FLT3: variants seen among roughly 807,000 people sequenced by gnomAD.
FLT3 encodes the protein fms related receptor tyrosine kinase 3.
A neutral mutation model predicts 126.6 loss-of-function variants in FLT3; 46 were observed. The observed-to-expected ratio is 0.36, with a 90% confidence interval of 0.29 to 0.46. The LOEUF is 0.46. Among genes scored for constraint, FLT3 ranks in the 20% least tolerant of loss-of-function variants. The pLI, the probability that FLT3 is intolerant of heterozygous loss-of-function variation, is 1.00. For missense variants in FLT3, 1,069 were observed against 1,190.3 expected, an observed-to-expected ratio of 0.90 and a Z score of 1.50; for synonymous variants, 404 against 434.4, an observed-to-expected ratio of 0.93 and a Z score of 0.87.
At chr13:28,068,700 G>A (rs925417503) in intron 2 of FLT3, among the ~76,000 whole-genome samples, 14 of 152,174 alleles carry the variant, frequency 9.2e-5, no homozygotes, top group Non-Finnish European at 1.5e-4. Context: ...CAAGTAGCTG[G>A]GACCACAGGC....
chr13:28,035,688 A>G lies in FLT3; in HGVS notation c.1419-15T>C, dbSNP rs2491227. The G allele has an allele frequency of 0.74, 1,180,791 of 1,592,304 alleles. 449,567 individuals are homozygous for G. The highest frequency in any genetic ancestry group is 0.78 in the Non-Finnish European group (919,486 of 1,173,614). On this transcript the variant is annotated splice_polypyrimidine_tract_variant and intron_variant, in intron 11 of 23. Coordinates refer to ENST00000241453, the MANE Select transcript of FLT3 (RefSeq NM_004119.3). The stretch of plus-strand genomic sequence containing the variant: ...CTTCTGTGCAGCTGAAAAAAAAAAT[A>G]GCAAAGAATTTAGACAGGTGAGCTG...
At chr13:28,024,798 C>T (rs1872665469) in intron 18 of FLT3, 63 bp downstream of exon 18, 1 of 1,119,748 alleles carries the variant, frequency 8.9e-7, no homozygotes, top group African/African-American at 1.6e-5. Context: ...TAAAAAATAG[C>T]TAACATAAAA....
intron 1 of FLT3, among the ~76,000 whole-genome samples, chr13:28,092,182 A>T (rs1879157463): frequency 6.6e-6 from 1 of 152,088 alleles, no homozygotes; most frequent in Non-Finnish European, 1.5e-5. Flanking sequence ...CTTAAACTCA[A>T]ATGGAAATTT....
rs146853291 is a variant in FLT3, at chr13:28,024,861, C to A, written c.2290G>T (p.Asp764Tyr). Residue 764 changes from aspartate (D) to tyrosine (Y), a missense_variant and splice_region_variant, in exon 18 of 24, where the codon GAT (aspartate) becomes TAT (tyrosine). Asp to Tyr is a radical substitution (Grantham distance 160, BLOSUM62 -3). Coordinates refer to ENST00000241453, the MANE Select transcript of FLT3 (RefSeq NM_004119.3). ...GLHGNSFHSEDEIEYENQKRL... is the reference protein window; with the variant it reads ...GLHGNSFHSEYEIEYENQKRL... ...GCTACTACTTAGAATAAAATATTAC[C>A]TTCAGAGTGAAATGAATTCCCATGA... The A allele has an allele frequency of 1.3e-6, 2 of 1,588,502 alleles. No homozygotes were observed. The highest frequency in any genetic ancestry group is 8.6e-7 in the Non-Finnish European group (1 of 1,160,388).
intron 5 of FLT3, among the ~76,000 whole-genome samples, chr13:28,052,074 ATTTAT>A (rs1383391718): frequency 6.6e-6 from 1 of 151,254 alleles, no homozygotes; most frequent in African/African-American, 2.4e-5. Flanking sequence ...TGTATTACTT[ATTTAT>A]TTTATTTTTT....
intron 19 of FLT3, 137 bp downstream of exon 19, chr13:28,023,213 G>C: frequency 1.2e-6 from 1 of 849,864 alleles, no homozygotes; most frequent in Non-Finnish European, 1.8e-6. Context: ...AAGGTAACAC[G>C]CTAGGTGACT....
intron 15 of FLT3, among the ~76,000 whole-genome samples, chr13:28,032,317 G>A (rs1200602248): frequency 2.0e-5 from 3 of 152,236 alleles, no homozygotes; most frequent in Non-Finnish European, 1.5e-5. Flanking sequence ...AGGACATCAC[G>A]GGTGTAGTGG....
At chr13:28,033,842 C>T (rs1467906624) in intron 15 of FLT3, 45 bp downstream of exon 15, 1 of 1,398,758 alleles carries the variant, frequency 7.1e-7, no homozygotes, top group African/African-American at 1.4e-5. Flanking sequence ...AACTGTGCCT[C>T]CCATTTTTGT....
chr13:28,098,051 A>C (rs556244745), intron 1 of FLT3, among the ~76,000 whole-genome samples: 1 of 152,268 alleles, frequency 6.6e-6, no homozygotes, highest in South Asian at 2.1e-4. Context: ...GTGGTGGCTC[A>C]TACCTGTAAT....
chr13:28,098,781 AT>A (rs1879638130), intron 1 of FLT3, among the ~76,000 whole-genome samples: 1 of 141,024 alleles, frequency 7.1e-6, no homozygotes. Flanking sequence ...GGTACCAGCA[AT>A]TAAAAAAAAA....
chr13:28,028,098 AG>A, intron 16 of FLT3, 79 bp downstream of exon 16: 2 of 754,500 alleles, frequency 2.7e-6, no homozygotes, highest in South Asian at 1.5e-5. Context: ...AAAGAGAGAG[AG>A]AGAGAGAGAG....
chr13:28,025,462 A>G, intron 17 of FLT3: 1 of 426,180 alleles, frequency 2.3e-6, no homozygotes, highest in Non-Finnish European at 4.6e-6. Flanking sequence ...TTTAAGGTAT[A>G]TAAAAATTCT....
intron 1 of FLT3, among the ~76,000 whole-genome samples, chr13:28,083,937 GT>G (rs1412599173): frequency 2.6e-5 from 4 of 151,866 alleles, no homozygotes; most frequent in Non-Finnish European, 1.5e-5. Flanking sequence ...TAGTTTTATT[GT>G]TTTAATTTCT....
intron 9 of FLT3, among the ~76,000 whole-genome samples, chr13:28,040,348 G>A (rs531862264): frequency 1.7e-4 from 15 of 90,088 alleles, no homozygotes; most frequent in African/African-American, 4.2e-4. Flanking sequence ...AACCCTAGAG[G>A]CACCAGAAAA....
chr13:28,095,681 C>A (rs984014508), intron 1 of FLT3, among the ~76,000 whole-genome samples: 2 of 152,134 alleles, frequency 1.3e-5, no homozygotes, highest in African/African-American at 4.8e-5. Flanking sequence ...AAATCAAAAT[C>A]TTTGCCCAAA....
At chr13:28,007,537 A>G (rs532520297) in intron 23 of FLT3, among the ~76,000 whole-genome samples, 14 of 152,152 alleles carry the variant, frequency 9.2e-5, no homozygotes, top group African/African-American at 2.2e-4. Context: ...GTGAGCCACC[A>G]CACCCGACTT....
Position 28,050,830 on chromosome 13 carries a change from T to C in FLT3, c.615-608A>G, listed in dbSNP as rs553607270. Among the ~76,000 whole-genome samples, 236 of 73,540 alleles carry C rather than the reference T, an allele frequency of 3.2e-3. 1 individual carries two copies. The highest frequency in any genetic ancestry group is 6.6e-3 in the African/African-American group (219 of 33,386). The allele number at this position is 73,540 out of a possible 152,430, so 48.2% of individuals were successfully genotyped here. On this transcript the variant is annotated intron_variant, in intron 5 of 23. Transcript: ENST00000241453. ...TATTTGGTACTTTTTCTCCTTCTAT[T>C]TGGTCCTATTTTAAAAAAAAAAAAG...
chr13:28,091,343 T>A (rs1046415543), intron 1 of FLT3, among the ~76,000 whole-genome samples: 9 of 142,094 alleles, frequency 6.3e-5, no homozygotes, highest in African/African-American at 1.6e-4. Flanking sequence ...TGCCTCAGCC[T>A]CCCGAGTAGC....
chr13:28,071,418 T>G (rs1043685122), intron 1 of FLT3, among the ~76,000 whole-genome samples: 13 of 152,174 alleles, frequency 8.5e-5, no homozygotes, highest in Non-Finnish European at 1.8e-4. Flanking sequence ...TTTCATCCAT[T>G]GTGCTGGGTA....
Sources: gnomAD v4.1 joint callset for allele counts (sites outside exome capture counted in the v4.1 genomes callset) on GRCh38, gnomAD v4.1.1 for gene constraint, MANE v1.5 for transcripts, NCBI Gene and HGNC (gene_info 2026-07-23, HGNC 2026-07-21) for gene names.